Variants in CERKL observed in about 807,000 individuals in gnomAD.
CERKL encodes CERK like autophagy regulator, also known as ceramide kinase-like protein.
CERKL carries 61 observed loss-of-function variants against 63.4 expected under a neutral mutation model. The observed-to-expected ratio is 0.96, with a 90% confidence interval of 0.78 to 1.19. The LOEUF (loss-of-function observed/expected upper bound fraction) is 1.19. Among genes scored for constraint, CERKL ranks in the 50% most tolerant of loss-of-function variants. The pLI is 0.00. For synonymous variants in CERKL, 250 were observed against 230.5 expected (o/e 1.08, Z -0.77); for missense variants, 675 against 655.5 (o/e 1.03, Z -0.33).
At chr2:181,562,711 A>T (rs572997115) in intron 4 of CERKL, among the ~76,000 whole-genome samples, 1 of 152,266 alleles carries the variant, frequency 6.6e-6, no homozygotes, top group Non-Finnish European at 1.5e-5. Context: ...GTGATAATAT[A>T]TCCTTTTTCA....
chr2:181,538,005 T>C lies in CERKL; in HGVS notation c.*179A>G, dbSNP rs1318277447. The C allele has an allele frequency of 1.0e-5, 7 of 682,946 alleles. No homozygotes were observed. Among genetic ancestry groups the C allele is most frequent in the Non-Finnish European group, 1.9e-5 (7 of 364,190 alleles). 42.3% of individuals were successfully genotyped at this position (682,946 alleles called of 1,614,324 possible). Reference sequence around the variant, plus strand: ...TAGAGTGCCATGTTCCTCAAGAGAATCTAATGCCTGATGATCTGAGGTGGA... The same window carrying C: ...TAGAGTGCCATGTTCCTCAAGAGAACCTAATGCCTGATGATCTGAGGTGGA... On this transcript the variant is annotated 3_prime_UTR_variant, in exon 13 of 13. Transcript: ENST00000410087.
chr2:181,648,235 T>C (rs1188258536), intron 1 of CERKL, among the ~76,000 whole-genome samples: 3 of 152,076 alleles, frequency 2.0e-5, no homozygotes, highest in Non-Finnish European at 1.5e-5. Context: ...CACATTATAG[T>C]CAAACTGTCA....
intron 1 of CERKL, 91 bp from the exon 2 acceptor site, chr2:181,604,170 GC>G: frequency 1.9e-6 from 2 of 1,046,382 alleles, no homozygotes; most frequent in Non-Finnish European, 2.8e-6. Flanking sequence ...TAGAAAGTGA[GC>G]AAAGGGAGAG....
At chr2:181,650,287 G>A (rs1687872043) in intron 1 of CERKL, among the ~76,000 whole-genome samples, 3 of 152,238 alleles carry the variant, frequency 2.0e-5, no homozygotes, top group South Asian at 4.1e-4. Context: ...AATTAAAAAG[G>A]AAATTAAAAT....
intron 1 of CERKL, among the ~76,000 whole-genome samples, chr2:181,626,915 C>T (rs1686730858): frequency 6.6e-6 from 1 of 152,220 alleles, no homozygotes; most frequent in Non-Finnish European, 1.5e-5. Flanking sequence ...AGTTTATCTT[C>T]CCTAGCTTTC....
At chr2:181,604,620 GT>G (rs1249367515) in intron 1 of CERKL, among the ~76,000 whole-genome samples, 1 of 152,168 alleles carries the variant, frequency 6.6e-6, no homozygotes, top group Non-Finnish European at 1.5e-5. Context: ...ATAAATTGGT[GT>G]CACATAAGGA....
chr2:181,565,639 C>T (rs879918530), intron 4 of CERKL: 6 of 778,304 alleles, frequency 7.7e-6, no homozygotes, highest in Admixed American at 2.1e-5. Flanking sequence ...CTATCACAGA[C>T]AAGTTAACCA....
intron 2 of CERKL, among the ~76,000 whole-genome samples, chr2:181,596,931 A>C (rs1008395873): frequency 1.2e-4 from 18 of 152,224 alleles, no homozygotes; most frequent in African/African-American, 3.9e-4. Context: ...TCATGTGTAC[A>C]TATGTCATAA....
At chr2:181,644,880 T>C (rs2105522870) in intron 1 of CERKL, among the ~76,000 whole-genome samples, 1 of 152,296 alleles carries the variant, frequency 6.6e-6, no homozygotes, top group Non-Finnish European at 1.5e-5. Context: ...AGAAAGCTTG[T>C]GTAGAGAACT....
chr2:181,624,884 A>G (rs184197412), intron 1 of CERKL, among the ~76,000 whole-genome samples: 4 of 152,236 alleles, frequency 2.6e-5, no homozygotes, highest in South Asian at 4.1e-4. Flanking sequence ...GTTGTAGAAC[A>G]TAAGTTTGAG....
chr2:181,552,665 G>T (rs1265205087), intron 5 of CERKL, among the ~76,000 whole-genome samples: 1 of 152,114 alleles, frequency 6.6e-6, no homozygotes, highest in Non-Finnish European at 1.5e-5. Flanking sequence ...AAATTTCTAA[G>T]GGAGATTTTA....
intron 2 of CERKL, among the ~76,000 whole-genome samples, chr2:181,576,596 C>T (rs992719771): frequency 3.3e-5 from 5 of 152,192 alleles, no homozygotes; most frequent in Non-Finnish European, 7.3e-5. Context: ...CGGTGAATTT[C>T]AATCAATGAA....
intron 5 of CERKL, among the ~76,000 whole-genome samples, chr2:181,553,569 T>C (rs752151378): frequency 6.6e-6 from 1 of 152,192 alleles, no homozygotes; most frequent in African/African-American, 2.4e-5. Flanking sequence ...TGAAGTATGG[T>C]GGGTATGCCC....
chr2:181,539,005 T>TTTGA, intron 12 of CERKL, 87 bp downstream of exon 12: 1 of 1,002,442 alleles, frequency 1.0e-6, no homozygotes, highest in East Asian at 2.4e-5. Flanking sequence ...AACTGCCTGC[T>TTTGA]TTGATAGTTC....
At chr2:181,553,835 T>C (rs1043208525) in intron 5 of CERKL, among the ~76,000 whole-genome samples, 2 of 152,192 alleles carry the variant, frequency 1.3e-5, no homozygotes, top group Non-Finnish European at 2.9e-5. Context: ...GCTTGTTCTA[T>C]ATTTTGTTGG....
At chr2:181,577,577 T>C (rs979379634) in intron 2 of CERKL, among the ~76,000 whole-genome samples, 2 of 152,082 alleles carry the variant, frequency 1.3e-5, no homozygotes, top group Non-Finnish European at 1.5e-5. Context: ...AGAAAGGAGG[T>C]TGAAAATAAA....
chr2:181,569,829 TTAC>T (rs1469715787), intron 3 of CERKL, among the ~76,000 whole-genome samples: 1 of 152,184 alleles, frequency 6.6e-6, no homozygotes. Context: ...TTATTTCATA[TTAC>T]TACAAGAGAT....
chr2:181,583,794 A>T (rs1336764729), intron 2 of CERKL, among the ~76,000 whole-genome samples: 1 of 152,232 alleles, frequency 6.6e-6, no homozygotes, highest in Non-Finnish European at 1.5e-5. Flanking sequence ...ACATGTTGTA[A>T]TGTTACAGTT....
In CERKL at chr2:181,538,530, G is replaced by C. The variant is rs758665315; in HGVS notation, c.1539-286C>G. Among the ~76,000 whole-genome samples the C allele has an allele frequency of 1.3e-5, 2 of 152,184 alleles. 1 individual carries two copies. The highest frequency in any genetic ancestry group is 4.2e-4 in the South Asian group (2 of 4,812). On this transcript the variant is annotated intron_variant, in intron 12 of 12. Transcript: ENST00000410087. ...ACACCCATGTCTAGTGGGCACCCCTGCATGCTTCTTCTAACCACTGAGTGT... is the reference window on the plus strand; with the variant it reads ...ACACCCATGTCTAGTGGGCACCCCTCCATGCTTCTTCTAACCACTGAGTGT...
Sources: gnomAD v4.1 joint callset for allele counts (sites outside exome capture counted in the v4.1 genomes callset) on GRCh38, gnomAD v4.1.1 for gene constraint, MANE v1.5 for transcripts, NCBI Gene and HGNC (gene_info 2026-07-23, HGNC 2026-07-21) for gene names.